GRIN2A: variants seen among roughly 807,000 people sequenced by gnomAD.
GRIN2A encodes glutamate receptor ionotropic, NMDA 2A.
A neutral mutation model predicts 113.4 loss-of-function variants in GRIN2A; 22 were observed. The observed-to-expected ratio is 0.19, with a 90% CI of 0.14 to 0.28. The LOEUF (loss-of-function observed/expected upper bound fraction) is 0.28. GRIN2A is among the 10% of genes least tolerant of loss of function. The pLI, the probability that GRIN2A is intolerant of heterozygous loss-of-function variation, is 1.00. For missense variants in GRIN2A, 1,502 were observed against 1,887.0 expected (o/e 0.80, Z 3.78); for synonymous variants, 827 against 738.4 (o/e 1.12, Z -1.94).
chr16:10,119,378 T>A (rs1186157711), intron 2 of GRIN2A, among the ~76,000 whole-genome samples: 1 of 13,318 alleles, frequency 7.5e-5, no homozygotes, highest in Non-Finnish European at 3.0e-4. Context: ...CCAGCTTTAT[T>A]TGATGAGTTG....
At position 9,760,056 on chromosome 16, in the gene GRIN2A, A is replaced by G. The variant is rs1900511654; in HGVS notation, c.*3093T>C. ...GTGGGGAAAACCAATTAGAATTAAC[A>G]AAATATCATTATGGATGCCAGCTCT... On this transcript the variant is annotated 3_prime_UTR_variant, in exon 13 of 13. Coordinates refer to ENST00000330684, the MANE Select transcript of GRIN2A (RefSeq NM_001134407.3). The G allele has an allele frequency of 8.7e-6, 2 of 229,108 alleles. No individual in the cohort carries two copies. Among genetic ancestry groups the G allele is most frequent in the Admixed American group, 1.1e-4 (2 of 17,634 alleles). The allele number at this position is 229,108 out of a possible 1,614,324, so 14.2% of individuals were successfully genotyped here. A position where few individuals can be genotyped will look rare whatever the true frequency, so the allele number is the denominator to read the frequency against.
At chr16:9,870,154 T>C (rs1193877656) in intron 4 of GRIN2A, among the ~76,000 whole-genome samples, 1 of 152,182 alleles carries the variant, frequency 6.6e-6, no homozygotes, top group Non-Finnish European at 1.5e-5. Context: ...CAAAAGCCAC[T>C]TGGTGTTATT....
intron 2 of GRIN2A, among the ~76,000 whole-genome samples, chr16:9,959,180 C>G (rs531672076): frequency 5.2e-4 from 79 of 152,310 alleles, no homozygotes; most frequent in South Asian, 1.2e-3. Context: ...GAGAAATAGG[C>G]TGGATTTGCA....
intron 2 of GRIN2A, among the ~76,000 whole-genome samples, chr16:10,175,262 C>T (rs2050120095): frequency 6.6e-6 from 1 of 152,152 alleles, no homozygotes; most frequent in Non-Finnish European, 1.5e-5. Flanking sequence ...CATGACTATA[C>T]ATATGCATGT....
chr16:9,950,311 C>T (rs1176886414), intron 2 of GRIN2A, among the ~76,000 whole-genome samples: 1 of 152,122 alleles, frequency 6.6e-6, no homozygotes, highest in Non-Finnish European at 1.5e-5. Context: ...TCACCTAAAG[C>T]TTTTCCTAGG....
intron 2 of GRIN2A, among the ~76,000 whole-genome samples, chr16:10,123,027 C>T (rs2048864445): frequency 6.6e-6 from 1 of 152,156 alleles, no homozygotes; most frequent in South Asian, 2.1e-4. Context: ...AATAAGTTGT[C>T]CAGTGACTAT....
intron 2 of GRIN2A, among the ~76,000 whole-genome samples, chr16:9,991,662 T>C (rs925460101): frequency 2.6e-5 from 4 of 152,192 alleles, no homozygotes; most frequent in African/African-American, 9.7e-5. Flanking sequence ...TTTGACTGTT[T>C]TGGAGTTGCT....
At chr16:10,159,669 A>G (rs1349816413) in intron 2 of GRIN2A, among the ~76,000 whole-genome samples, 8 of 152,184 alleles carry the variant, frequency 5.3e-5, no homozygotes, top group African/African-American at 1.9e-4. Context: ...GAAGGGAGAG[A>G]GGAAGGAAGA....
intron 4 of GRIN2A, among the ~76,000 whole-genome samples, chr16:9,880,738 G>A (rs1228010914): frequency 6.6e-6 from 1 of 152,158 alleles, no homozygotes; most frequent in African/African-American, 2.4e-5. Context: ...CCCACTGCAT[G>A]GAATGGCCTC....
chr16:9,960,301 C>A (rs750867376), intron 2 of GRIN2A, among the ~76,000 whole-genome samples: 1 of 152,136 alleles, frequency 6.6e-6, no homozygotes, highest in Non-Finnish European at 1.5e-5. Context: ...TGCATGTATA[C>A]TTTTATCATA....
In GRIN2A at chr16:9,768,708, T is replaced by G. The variant is rs146743331; in HGVS notation, c.2595+143A>C. 3.9e-6 allele frequency: 3 copies of G among 763,450 alleles called. No homozygotes were observed. The East Asian group carries it at 7.3e-5, about 19-fold the overall frequency. 47.3% of individuals were successfully genotyped at this position (763,450 alleles called of 1,614,324 possible). A position where few individuals can be genotyped will look rare whatever the true frequency, so the allele number is the denominator to read the frequency against. ...AAGTTTGCAACACCTGGCTTATGAA[T>G]GCACAAAATCTGGATGCTCTTGTGA... On this transcript the variant is annotated intron_variant, in intron 12 of 12. Transcript: ENST00000330684.
At position 10,012,140 on chromosome 16, in the gene GRIN2A, A is replaced by G. The variant is rs1271728420; in HGVS notation, c.415-73589T>C. Among the ~76,000 whole-genome samples the G allele has an allele frequency of 2.0e-5, 3 of 152,152 alleles. No individual in the cohort carries two copies. In the East Asian group the frequency reaches 5.8e-4, roughly 29 times the overall value. ...TCATTCTTACTCATTTACAATCTGA[A>G]ATGTTTTCTTGAGTGGGAGCGAAAT... is the stretch of plus-strand genomic sequence containing the variant. On this transcript the variant is annotated intron_variant, in intron 2 of 12. Transcript: ENST00000330684.
rs899772683 is a variant in GRIN2A at position 9,760,091 on chromosome 16, C to T, written c.*3058G>A. On this transcript the variant is annotated 3_prime_UTR_variant, in exon 13 of 13. Coordinates refer to ENST00000330684, the MANE Select transcript of GRIN2A (RefSeq NM_001134407.3). Reference sequence around the variant, plus strand: ...TATGGATGCCAGCTCTGACTTAAGCCAGCTGAAACTCAGGCATTTGTGTTC... The same window carrying T: ...TATGGATGCCAGCTCTGACTTAAGCTAGCTGAAACTCAGGCATTTGTGTTC... 2 of 226,680 alleles carry T rather than the reference C, an allele frequency of 8.8e-6. No homozygotes were observed. The highest frequency in any genetic ancestry group is 1.8e-5 in the Non-Finnish European group (2 of 114,064). 14.0% of individuals were successfully genotyped at this position (226,680 alleles called of 1,614,324 possible). A position where few individuals can be genotyped will look rare whatever the true frequency, so the allele number is the denominator to read the frequency against.
At chr16:9,783,908 G>C (rs867130862) in intron 11 of GRIN2A, among the ~76,000 whole-genome samples, 6 of 152,150 alleles carry the variant, frequency 3.9e-5, no homozygotes, top group Admixed American at 1.3e-4. Context: ...TTTCAAGGGA[G>C]AGCTAAAGGA....
At chr16:9,955,037 A>T (rs1462296852) in intron 2 of GRIN2A, among the ~76,000 whole-genome samples, 1 of 152,126 alleles carries the variant, frequency 6.6e-6, no homozygotes. Context: ...GTTGGGGATG[A>T]GTTTGGTGTC....
chr16:9,885,273 C>G (rs1274948903), intron 4 of GRIN2A, among the ~76,000 whole-genome samples: 1 of 152,140 alleles, frequency 6.6e-6, no homozygotes, highest in East Asian at 1.9e-4. Context: ...CCCCTTACAC[C>G]TAGGAATTTG....
intron 2 of GRIN2A, among the ~76,000 whole-genome samples, chr16:9,982,369 A>G (rs1039093820): frequency 1.3e-5 from 2 of 152,198 alleles, no homozygotes; most frequent in Non-Finnish European, 2.9e-5. Context: ...ATTGACAATA[A>G]TTGCCTGGAT....
intron 2 of GRIN2A, among the ~76,000 whole-genome samples, chr16:10,061,589 C>T (rs1428871728): frequency 6.6e-6 from 1 of 152,160 alleles, no homozygotes; most frequent in Non-Finnish European, 1.5e-5. Flanking sequence ...GAAAAAGACT[C>T]CCAAACCCAC....
intron 2 of GRIN2A, among the ~76,000 whole-genome samples, chr16:10,004,130 C>G (rs547483563): frequency 1.3e-5 from 2 of 152,116 alleles, no homozygotes; most frequent in African/African-American, 4.8e-5. Flanking sequence ...GTGGCTCACA[C>G]CTGTAATCCC....
Sources: gnomAD v4.1 joint callset for allele counts (sites outside exome capture counted in the v4.1 genomes callset) on GRCh38, gnomAD v4.1.1 for gene constraint, MANE v1.5 for transcripts, NCBI Gene and HGNC (gene_info 2026-07-23, HGNC 2026-07-21) for gene names.